CSMD2: variants seen among roughly 807,000 people sequenced by gnomAD.
The protein encoded by CSMD2 is CUB and sushi domain-containing protein 2.
In CSMD2, 130 loss-of-function variants were observed where a neutral mutation model predicts 398.5. The ratio of observed to expected loss-of-function variants is 0.33; its 90% CI spans 0.28 to 0.38. The LOEUF is 0.38. CSMD2 is among the 10% of genes least tolerant of loss of function. The pLI, the probability that CSMD2 is intolerant of heterozygous loss-of-function variation, is 1.00. For missense variants in CSMD2, 3,829 were observed against 4,764.9 expected, an observed-to-expected ratio of 0.80 and a Z score of 5.78; for synonymous variants, 1,828 against 1,908.5, an observed-to-expected ratio of 0.96 and a Z score of 1.10.
chr1:34,093,119 A>G (rs1357990223), intron 1 of CSMD2, among the ~76,000 whole-genome samples: 8 of 152,116 alleles, frequency 5.3e-5, no homozygotes, highest in Non-Finnish European at 8.8e-5. Context: ...CGAGCAGCCT[A>G]ACTGGGAGGC....
intron 25 of CSMD2, among the ~76,000 whole-genome samples, chr1:33,665,503 G>T (rs867133968): frequency 6.8e-4 from 76 of 112,068 alleles, no homozygotes; most frequent in South Asian, 1.2e-3. Flanking sequence ...GGGCCTATCT[G>T]GTTGCCCAGG....
At chr1:34,132,092 G>C (rs555225087) in intron 1 of CSMD2, among the ~76,000 whole-genome samples, 23 of 152,106 alleles carry the variant, frequency 1.5e-4, no homozygotes, top group African/African-American at 4.8e-4. Flanking sequence ...CACTGATGAG[G>C]TGACTCACAC....
At chr1:34,092,448 C>A (rs1040786162) in intron 1 of CSMD2, among the ~76,000 whole-genome samples, 10 of 152,156 alleles carry the variant, frequency 6.6e-5, no homozygotes, top group Non-Finnish European at 1.0e-4. Flanking sequence ...CAGCTCCCAG[C>A]GTGAGCGAGG....
At chr1:33,607,213 G>A (rs927406779) in intron 41 of CSMD2, among the ~76,000 whole-genome samples, 2 of 152,216 alleles carry the variant, frequency 1.3e-5, no homozygotes, top group Admixed American at 6.5e-5. Context: ...ATGTCGGACC[G>A]GGAGGCCTGG....
At chr1:34,041,600 G>A (rs1651846526) in intron 2 of CSMD2, among the ~76,000 whole-genome samples, 1 of 152,086 alleles carries the variant, frequency 6.6e-6, no homozygotes. Context: ...TCCTCAGGCT[G>A]GGGTCTCTTG....
At chr1:33,972,577 A>G (rs574136933) in intron 3 of CSMD2, among the ~76,000 whole-genome samples, 1 of 152,250 alleles carries the variant, frequency 6.6e-6, no homozygotes, top group South Asian at 2.1e-4. Flanking sequence ...AGGAGCTGTG[A>G]CCGTGGAAGT....
In CSMD2 at chr1:33,611,022, C is replaced by T. The variant is rs374462153; in HGVS notation, c.6343+19G>A. The T allele has an allele frequency of 2.6e-5, 42 of 1,608,818 alleles. No homozygotes were observed. The highest frequency in any genetic ancestry group is 6.7e-5 in the East Asian group (3 of 44,802). On this transcript the variant is annotated intron_variant, in intron 41 of 70. Coordinates refer to ENST00000373381, the MANE Select transcript of CSMD2 (RefSeq NM_001281956.2). ...ATGGAGATAGACAGAGAAGCAAAGGCGGTGCTCCTTGTCCTTACCCTGATA... is the reference window on the plus strand; with the variant it reads ...ATGGAGATAGACAGAGAAGCAAAGGTGGTGCTCCTTGTCCTTACCCTGATA...
At chr1:33,780,964 A>G (rs924080827) in intron 12 of CSMD2, among the ~76,000 whole-genome samples, 4 of 152,232 alleles carry the variant, frequency 2.6e-5, no homozygotes, top group Admixed American at 6.5e-5. Flanking sequence ...GGCATCTGAC[A>G]AGAGGAAAGG....
intron 1 of CSMD2, among the ~76,000 whole-genome samples, chr1:34,094,523 G>C (rs1474759895): frequency 6.6e-6 from 1 of 152,198 alleles, no homozygotes; most frequent in East Asian, 1.9e-4. Flanking sequence ...CATCTCATGT[G>C]CAGAGACACA....
intron 10 of CSMD2, among the ~76,000 whole-genome samples, chr1:33,795,345 A>G (rs1569983943): frequency 6.6e-6 from 1 of 152,120 alleles, no homozygotes; most frequent in East Asian, 1.9e-4. Context: ...TCATCATGGG[A>G]TCATTTCCTC....
At chr1:33,860,677 T>C (rs527401621) in intron 5 of CSMD2, 3 of 152,348 alleles carry the variant, frequency 2.0e-5, no homozygotes, top group South Asian at 2.1e-4. Context: ...TGTAATGAGC[T>C]AGACTTGCCC....
In CSMD2 at chr1:34,088,198, G is replaced by A. The variant is rs542174311; in HGVS notation, c.404+779C>T. 6.6e-5 allele frequency among the ~76,000 whole-genome samples: 10 copies of A among 152,328 alleles called. No homozygotes were observed. The East Asian group carries it at 9.6e-4, about 15-fold the overall frequency. On this transcript the variant is annotated intron_variant, in intron 2 of 70. Transcript: ENST00000373381. ...GTCATTAGAAGCAATTAGCACCTCC[G>A]GCTCCCCAGGGCTTGGCTTGTAAGC... is the stretch of plus-strand genomic sequence containing the variant.
chr1:33,987,156 C>CTCTTGA (rs932354402), intron 3 of CSMD2, among the ~76,000 whole-genome samples: 4 of 152,154 alleles, frequency 2.6e-5, no homozygotes, highest in African/African-American at 4.8e-5. Flanking sequence ...TGGAGACACA[C>CTCTTGA]AGGCCTGCAT....
At chr1:33,896,688 G>A (rs1642407295) in intron 5 of CSMD2, among the ~76,000 whole-genome samples, 1 of 152,170 alleles carries the variant, frequency 6.6e-6, no homozygotes, top group Non-Finnish European at 1.5e-5. Flanking sequence ...ACACTTTGAA[G>A]TGTGAGGATC....
At chr1:34,034,870 C>T (rs4652983) in intron 2 of CSMD2, among the ~76,000 whole-genome samples, 15,453 of 151,986 alleles carry the variant, frequency 0.1, 885 homozygotes, top group East Asian at 0.2. Flanking sequence ...GAGGAGGATT[C>T]GTATTTATAA....
intron 3 of CSMD2, among the ~76,000 whole-genome samples, chr1:34,019,024 T>A (rs749255263): frequency 6.6e-6 from 1 of 152,226 alleles, no homozygotes; most frequent in Non-Finnish European, 1.5e-5. Context: ...ACCCACACTT[T>A]ACCTCTTACT....
chr1:34,099,724 A>G (rs1448824478), intron 1 of CSMD2, among the ~76,000 whole-genome samples: 1 of 152,252 alleles, frequency 6.6e-6, no homozygotes, highest in East Asian at 1.9e-4. Flanking sequence ...ACAGCACAGA[A>G]AGACTAAGAT....
intron 2 of CSMD2, among the ~76,000 whole-genome samples, chr1:34,066,698 C>A (rs1208294219): frequency 6.6e-6 from 1 of 152,078 alleles, no homozygotes; most frequent in African/African-American, 2.4e-5. Flanking sequence ...GGCTTGGACG[C>A]AGCAGGATGT....
rs190988715 is a variant in CSMD2 at position 33,739,283 on chromosome 1, C to A, written c.2225G>T (p.Arg742Leu). 2.5e-6 allele frequency: 4 copies of A among 1,614,098 alleles called. No homozygotes were observed. The highest frequency in any genetic ancestry group is 2.5e-6 in the Non-Finnish European group (3 of 1,179,974). ...PDPGVPVNGK[R>L]FGDSLQLGSS... is the part of the protein sequence containing the mutation. ...GCCCAGCTGGAGGCTGTCCCCAAAC[C>A]GTTTGCCATTTACTGGAACGCCAGG... The change falls in exon 15 of 71, where the codon CGG becomes CTG. Residue 742 changes from arginine to leucine, a missense_variant. This residue lies in a region of CSMD2 where 2,001 missense variants were observed against 2,567.1 expected (regional missense o/e 0.78). Coordinates refer to ENST00000373381, the MANE Select transcript of CSMD2 (RefSeq NM_001281956.2).
Sources: gnomAD v4.1 joint callset for allele counts (sites outside exome capture counted in the v4.1 genomes callset) on GRCh38, gnomAD v4.1.1 for gene constraint, gnomAD v4.1.1 regional missense constraint, MANE v1.5 for transcripts, NCBI Gene and HGNC (gene_info 2026-07-23, HGNC 2026-07-21) for gene names.